STON2: variants seen among roughly 807,000 people sequenced by gnomAD.
STON2 encodes stonin 2, also known as stonin-2.
STON2 carries 29 observed loss-of-function variants against 65.7 expected under a neutral mutation model. That is an observed-to-expected ratio of 0.44 (90% CI 0.33 to 0.60). STON2 has a LOEUF of 0.60. Among genes scored for constraint, STON2 ranks in the 20% least tolerant of loss-of-function variants. The pLI, the probability that STON2 is intolerant of heterozygous loss-of-function variation, is 0.03. For synonymous variants in STON2, 404 were observed against 414.2 expected, an observed-to-expected ratio of 0.98 and a Z score of 0.30; for missense variants, 1,054 against 1,118.1, an observed-to-expected ratio of 0.94 and a Z score of 0.82.
At chr14:81,347,892 T>C (rs1897876052) in intron 4 of STON2, among the ~76,000 whole-genome samples, 1 of 113,966 alleles carries the variant, frequency 8.8e-6, no homozygotes, top group Admixed American at 1.1e-4. Flanking sequence ...AGTAGGACCC[T>C]GTCTCTTACC....
chr14:81,283,619 C>T (rs1895216246), intron 5 of STON2, among the ~76,000 whole-genome samples: 2 of 151,420 alleles, frequency 1.3e-5, no homozygotes, highest in South Asian at 4.2e-4. Context: ...CAAGTTCCGC[C>T]TCCCGGGTTC....
intron 2 of STON2, among the ~76,000 whole-genome samples, chr14:81,412,480 C>A (rs1901209974): frequency 7.2e-6 from 1 of 139,764 alleles, no homozygotes; most frequent in African/African-American, 2.9e-5. Context: ...TGAAATAAGC[C>A]AGTTACAAAA....
At chr14:81,341,626 G>A (rs537529447) in intron 4 of STON2, among the ~76,000 whole-genome samples, 5 of 152,094 alleles carry the variant, frequency 3.3e-5, no homozygotes, top group Non-Finnish European at 5.9e-5. Flanking sequence ...GCAAGTGGGC[G>A]TGTATGGGGC....
chr14:81,421,614 T>G (rs748552084), intron 2 of STON2, among the ~76,000 whole-genome samples: 1 of 152,186 alleles, frequency 6.6e-6, no homozygotes, highest in East Asian at 1.9e-4. Flanking sequence ...GAATCTTTTT[T>G]GGACTCATTG....
intron 3 of STON2, among the ~76,000 whole-genome samples, chr14:81,375,261 A>G (rs565079006): frequency 6.6e-6 from 1 of 152,262 alleles, no homozygotes; most frequent in African/African-American, 2.4e-5. Flanking sequence ...ATAAACATAA[A>G]TGGACTAAGC....
chr14:81,356,853 T>C (rs1898258573), intron 4 of STON2, among the ~76,000 whole-genome samples: 1 of 152,100 alleles, frequency 6.6e-6, no homozygotes, highest in Non-Finnish European at 1.5e-5. Flanking sequence ...TCGGTAGTGA[T>C]ATCCCCTTTA....
intron 2 of STON2, among the ~76,000 whole-genome samples, chr14:81,414,964 A>G (rs1901354042): frequency 6.6e-6 from 1 of 152,080 alleles, no homozygotes; most frequent in Non-Finnish European, 1.5e-5. Flanking sequence ...TCGTCCATCA[A>G]ATGGCAGAAT....
At position 81,428,415 on chromosome 14, in the gene STON2, T is replaced by A. The variant is rs570909151; in HGVS notation, c.-309-1203A>T. The stretch of plus-strand genomic sequence containing the variant: ...CACTTAACCATGGCATTATCATTAT[T>A]CTCTTTTAAAAGCTTAAGACAAATG... On this transcript the variant is annotated intron_variant, in intron 1 of 8. Coordinates refer to the STON2 transcript ENST00000553821. Among the ~76,000 whole-genome samples, 5 of 152,342 alleles carry A rather than the reference T, an allele frequency of 3.3e-5. 1 individual carries two copies. The South Asian group carries it at 1.0e-3, about 32-fold the overall frequency.
In STON2 at chr14:81,262,939, A is replaced by G. The variant is rs1894209168; in HGVS notation, c.*5475T>C. The stretch of plus-strand genomic sequence containing the variant: ...GCCAGTCTCATTTAAACAAGATAAG[A>G]AATGGTTTGTGGGGAATTAGCACTT... On this transcript the variant is annotated 3_prime_UTR_variant, in exon 8 of 8. Coordinates refer to ENST00000614646, the MANE Select transcript of STON2 (RefSeq NM_001394390.1). 1 of 985,334 alleles carries G rather than the reference A, an allele frequency of 1.0e-6. No individual in the cohort carries two copies. The highest frequency in any genetic ancestry group is 4.7e-5 in the South Asian group (1 of 21,294). The allele number at this position is 985,334 out of a possible 1,614,324, so 61.0% of individuals were successfully genotyped here. A position where few individuals can be genotyped will look rare whatever the true frequency, so the allele number is the denominator to read the frequency against.
At chr14:81,379,086 C>T (rs1182235800) in intron 3 of STON2, among the ~76,000 whole-genome samples, 1 of 152,088 alleles carries the variant, frequency 6.6e-6, no homozygotes, top group Non-Finnish European at 1.5e-5. Flanking sequence ...ACATAACTGT[C>T]ATTATTTGCA....
chr14:81,425,625 C>A (rs1901931870), intron 2 of STON2, among the ~76,000 whole-genome samples: 1 of 151,662 alleles, frequency 6.6e-6, no homozygotes, highest in African/African-American at 2.4e-5. Context: ...AGTGAGAGAA[C>A]CTTCTTACCT....
intron 2 of STON2, among the ~76,000 whole-genome samples, chr14:81,411,874 C>A (rs1237143699): frequency 1.0e-5 from 1 of 98,074 alleles, no homozygotes; most frequent in Non-Finnish European, 1.8e-5. Context: ...CAAGGAATAA[C>A]AAGGAATCTT....
chr14:81,411,246 T>C (rs1429694373), intron 2 of STON2, among the ~76,000 whole-genome samples: 1 of 152,162 alleles, frequency 6.6e-6, no homozygotes, highest in African/African-American at 2.4e-5. Context: ...GATGTTAACA[T>C]TTTAGAATGT....
chr14:81,269,676 G>A (rs1894494744), intron 7 of STON2: 5 of 984,880 alleles, frequency 5.1e-6, no homozygotes. Context: ...ACATTTAGAG[G>A]AACAATAAAT....
At chr14:81,353,104 C>T (rs1272092523) in intron 4 of STON2, among the ~76,000 whole-genome samples, 1 of 152,026 alleles carries the variant, frequency 6.6e-6, no homozygotes, top group Non-Finnish European at 1.5e-5. Context: ...CTCCACACAT[C>T]TACATGAATT....
intron 6 of STON2, among the ~76,000 whole-genome samples, chr14:81,275,119 A>G (rs1157156222): frequency 6.6e-6 from 1 of 152,116 alleles, no homozygotes; most frequent in African/African-American, 2.4e-5. Flanking sequence ...AGGGTAGCCG[A>G]TAAGTCTTTG....
chr14:81,312,676 T>G (rs970513640), intron 5 of STON2, among the ~76,000 whole-genome samples: 1 of 152,208 alleles, frequency 6.6e-6, no homozygotes, highest in Non-Finnish European at 1.5e-5. Context: ...AAAATCAAAT[T>G]GCCCTTCATT....
At chr14:81,396,784 C>A (rs758720706) in intron 2 of STON2, among the ~76,000 whole-genome samples, 17 of 152,100 alleles carry the variant, frequency 1.1e-4, no homozygotes, top group Admixed American at 1.1e-3. Context: ...CCTGGCCGGG[C>A]GCAGTGGCTC....
chr14:81,307,215 C>T (rs1407264817), intron 5 of STON2, among the ~76,000 whole-genome samples: 2 of 152,210 alleles, frequency 1.3e-5, no homozygotes, highest in Non-Finnish European at 2.9e-5. Context: ...AGCTGGTGAG[C>T]CGTGCACAGA....
Sources: allele counts gnomAD v4.1 joint callset (sites outside exome capture counted in the v4.1 genomes callset), GRCh38; gene constraint gnomAD v4.1.1; transcripts MANE v1.5; gene names NCBI Gene and HGNC (gene_info 2026-07-23, HGNC 2026-07-21).